CREBRF: variants seen among roughly 807,000 people sequenced by gnomAD.
The protein encoded by CREBRF is CREB3 regulatory factor.
In CREBRF, 5 loss-of-function variants were observed where a neutral mutation model predicts 66.1. The ratio of observed to expected loss-of-function variants is 0.08; its 90% confidence interval spans 0.04 to 0.16. CREBRF has a LOEUF of 0.16. CREBRF is among the 10% of genes least tolerant of loss of function. CREBRF has a pLI of 1.00. For missense variants in CREBRF, 531 were observed against 744.9 expected (o/e 0.71, Z 3.34); for synonymous variants, 229 against 264.4 (o/e 0.87, Z 1.30).
In CREBRF at chr5:173,139,121, T is replaced by C. The variant is rs1252344167; in HGVS notation, c.*5376T>C. 6.6e-6 allele frequency: 1 copy of C among 152,200 alleles called. No homozygotes were observed. Among genetic ancestry groups the C allele is most frequent in the Non-Finnish European group, 1.5e-5 (1 of 68,046 alleles). The allele number at this position is 152,200 out of a possible 1,614,324, so 9.4% of individuals were successfully genotyped here. Reference sequence around the variant, plus strand: ...TGTTTAAAAATTATCCTATTAAATGTTGGTTAATAGTTGTGCAGTTTTTCA... The same window carrying C: ...TGTTTAAAAATTATCCTATTAAATGCTGGTTAATAGTTGTGCAGTTTTTCA... On this transcript the variant is annotated 3_prime_UTR_variant, in exon 9 of 9. Coordinates refer to ENST00000296953, the MANE Select transcript of CREBRF (RefSeq NM_153607.3).
intron 8 of CREBRF, among the ~76,000 whole-genome samples, chr5:173,130,949 C>T (rs1221357409): frequency 1.3e-5 from 2 of 152,150 alleles, no homozygotes; most frequent in Non-Finnish European, 2.9e-5. Context: ...CCAAGTGATC[C>T]GCCCACCTTG....
chr5:173,129,718 C>CAA (rs36113811), intron 8 of CREBRF, among the ~76,000 whole-genome samples: 21 of 105,650 alleles, frequency 2.0e-4, no homozygotes, highest in East Asian at 1.7e-3. Flanking sequence ...GACCTCATCT[C>CAA]AAAAAAAAAA....
At chr5:173,118,246 G>A (rs958365622) in intron 7 of CREBRF, among the ~76,000 whole-genome samples, 6 of 151,690 alleles carry the variant, frequency 4.0e-5, no homozygotes, top group African/African-American at 1.5e-4. Context: ...CTGGCCTCAA[G>A]TGATCCACCC....
At chr5:173,115,997 T>A in intron 7 of CREBRF, among the ~76,000 whole-genome samples, 1 of 152,230 alleles carries the variant, frequency 6.6e-6, no homozygotes, top group South Asian at 2.1e-4. Context: ...AGATGAAGAA[T>A]AACAAATCAC....
chr5:173,133,608 T>C (rs1759524087), intron 8 of CREBRF, 22 bp from the exon 9 acceptor site: 2 of 1,410,262 alleles, frequency 1.4e-6, no homozygotes, highest in Non-Finnish European at 2.0e-6. Context: ...TGTCTAGATG[T>C]GCCTTTTATT....
chr5:173,077,912 A>G (rs1291493285), intron 1 of CREBRF, among the ~76,000 whole-genome samples: 1 of 152,068 alleles, frequency 6.6e-6, no homozygotes, highest in African/African-American at 2.4e-5. Flanking sequence ...ATTCATTTTC[A>G]TGGCTGAATA....
At chr5:173,111,170 C>T (rs528415525) in intron 6 of CREBRF, among the ~76,000 whole-genome samples, 3 of 152,282 alleles carry the variant, frequency 2.0e-5, no homozygotes, top group South Asian at 4.1e-4. Context: ...CTGCACCCAT[C>T]GCCCCTCAAA....
intron 5 of CREBRF, chr5:173,110,146 C>T (rs368417383): frequency 1.3e-4 from 36 of 267,396 alleles, no homozygotes; most frequent in East Asian, 5.2e-4. Flanking sequence ...AGCTCTCTTC[C>T]GACTATGTAT....
At position 173,119,160 on chromosome 5, in the gene CREBRF, G is replaced by A. The variant is rs994886078; in HGVS notation, c.1682-3920G>A. ...TTTAAATCTGTTTTGGCTATTACAG[G>A]TCTTTTGCATGTCTATATAGATTTT... On this transcript the variant is annotated intron_variant, in intron 7 of 8. Coordinates refer to ENST00000296953, the MANE Select transcript of CREBRF (RefSeq NM_153607.3). 4.9e-4 allele frequency among the ~76,000 whole-genome samples: 74 copies of A among 152,136 alleles called. 1 individual carries two copies. Among genetic ancestry groups the A allele is most frequent in the African/African-American group, 1.8e-3 (73 of 41,440 alleles).
At chr5:173,118,178 T>G (rs1167271001) in intron 7 of CREBRF, among the ~76,000 whole-genome samples, 1 of 150,948 alleles carries the variant, frequency 6.6e-6, no homozygotes, top group Admixed American at 6.6e-5. Flanking sequence ...CTGGCCTGAT[T>G]TTTGTAATTT....
intron 8 of CREBRF, among the ~76,000 whole-genome samples, chr5:173,130,663 A>G (rs1364432298): frequency 6.6e-6 from 1 of 152,030 alleles, no homozygotes; most frequent in Non-Finnish European, 1.5e-5. Context: ...AGCTAGGACT[A>G]CAGATGTGCG....
chr5:173,078,732 C>T (rs1480713492), intron 1 of CREBRF, among the ~76,000 whole-genome samples: 1 of 151,716 alleles, frequency 6.6e-6, no homozygotes, highest in African/African-American at 2.4e-5. Flanking sequence ...GCCATGTTGG[C>T]CAGGCTGGTC....
chr5:173,074,301 CA>C (rs34804335), intron 1 of CREBRF, among the ~76,000 whole-genome samples: 12,490 of 126,294 alleles, frequency 0.099, 645 homozygotes, highest in South Asian at 0.18. Flanking sequence ...AAGTCTGTCT[CA>C]AAAAAAAAAA....
intron 1 of CREBRF, 53 bp from the exon 2 acceptor site, chr5:173,080,532 C>A: frequency 3.8e-6 from 2 of 525,324 alleles, no homozygotes; most frequent in Non-Finnish European, 3.4e-6. Context: ...TTTTTTGAAA[C>A]ATCAACTTGT....
chr5:173,066,657 C>G (rs1187486800), intron 1 of CREBRF, among the ~76,000 whole-genome samples: 1 of 151,994 alleles, frequency 6.6e-6, no homozygotes, highest in Non-Finnish European at 1.5e-5. Context: ...GCCCTTGGCT[C>G]CAGTCACTGA....
chr5:173,134,289 TACACAC>T lies in CREBRF; in HGVS notation c.*554_*559del, dbSNP rs57067753. ...AAATATATATATATATATATATATA[TACACAC>T]ACACACACAAATGTCTGTGCAAGTA... On this transcript the variant is annotated 3_prime_UTR_variant, in exon 9 of 9. Coordinates refer to ENST00000296953, the MANE Select transcript of CREBRF (RefSeq NM_153607.3). 2 of 158,646 alleles carry T rather than the reference TACACAC, an allele frequency of 1.3e-5. No individual in the cohort carries two copies. The highest frequency in any genetic ancestry group is 1.6e-4 in the South Asian group (1 of 6,404). 9.8% of individuals were successfully genotyped at this position (158,646 alleles called of 1,614,324 possible).
chr5:173,133,494 C>G (rs1759520276), intron 8 of CREBRF, 136 bp from the exon 9 acceptor site: 1 of 500,068 alleles, frequency 2.0e-6, no homozygotes, highest in African/African-American at 2.0e-5. Context: ...GCTGCAATAA[C>G]AAGTGCCAGG....
rs200978235 is a variant in CREBRF, at chr5:173,068,130, A to G, written c.-192+11651A>G. On this transcript the variant is annotated intron_variant, in intron 1 of 8. Coordinates refer to ENST00000296953, the MANE Select transcript of CREBRF (RefSeq NM_153607.3). ...TAACTTGCTGGTTGTCAAAATTCCC[A>G]AGTTAAAAACTAACGAGTTACTGTA... The G allele has an allele frequency of 1.3e-3, 568 of 453,824 alleles. 1 individual carries two copies. The highest frequency in any genetic ancestry group is 2.0e-3 in the Non-Finnish European group (449 of 225,762). 28.1% of individuals were successfully genotyped at this position (453,824 alleles called of 1,614,324 possible). A position where few individuals can be genotyped will look rare whatever the true frequency, so the allele number is the denominator to read the frequency against.
intron 4 of CREBRF, among the ~76,000 whole-genome samples, chr5:173,096,289 T>C (rs987756552): frequency 6.6e-6 from 1 of 152,176 alleles, no homozygotes; most frequent in African/African-American, 2.4e-5. Context: ...TCTTTAGGGT[T>C]TTCTAGATAC....
Sources: gnomAD v4.1 joint callset for allele counts (sites outside exome capture counted in the v4.1 genomes callset) on GRCh38, gnomAD v4.1.1 for gene constraint, MANE v1.5 for transcripts, NCBI Gene and HGNC (gene_info 2026-07-23, HGNC 2026-07-21) for gene names.